Variants in PDE4B observed in about 807,000 individuals in gnomAD.
The protein encoded by PDE4B is phosphodiesterase 4B.
A neutral mutation model predicts 82.2 loss-of-function variants in PDE4B; 20 were observed. The observed-to-expected ratio is 0.24, with a 90% CI of 0.17 to 0.35. The LOEUF is 0.35. Ranked by LOEUF, PDE4B falls within the 10% of genes least tolerant of loss-of-function variation. The pLI is 1.00. For synonymous variants in PDE4B, 320 were observed against 318.9 expected, an observed-to-expected ratio of 1.00 and a Z score of -0.04; for missense variants, 655 against 907.2, an observed-to-expected ratio of 0.72 and a Z score of 3.57.
intron 3 of PDE4B, among the ~76,000 whole-genome samples, chr1:66,191,823 A>C (rs939638597): frequency 6.6e-6 from 1 of 152,190 alleles, no homozygotes; most frequent in Non-Finnish European, 1.5e-5. Flanking sequence ...CGTTTCACAT[A>C]GCAGCAGACC....
At chr1:65,856,185 G>A (rs1646390464) in intron 1 of PDE4B, among the ~76,000 whole-genome samples, 1 of 152,142 alleles carries the variant, frequency 6.6e-6, no homozygotes. Flanking sequence ...TGTGCAAGGA[G>A]ATAGAGTTTT....
At chr1:66,004,939 G>A (rs182093179) in intron 3 of PDE4B, among the ~76,000 whole-genome samples, 2 of 151,870 alleles carry the variant, frequency 1.3e-5, no homozygotes, top group Non-Finnish European at 2.9e-5. Context: ...CAATATCACT[G>A]ATTTCTCTAC....
At position 66,368,871 on chromosome 1, in the gene PDE4B, A is replaced by G; in HGVS notation, c.1747A>G (p.Met583Val). ...GTATCGGCAATGGACAGACCGCATC[A>G]TGGAGGAATTTTTCCAGCAGGGAGA... Reference protein sequence around the residue: ...ELYRQWTDRIMEEFFQQGDKE... With the variant: ...ELYRQWTDRIVEEFFQQGDKE... The change falls in exon 16 of 17, where the codon ATG becomes GTG. Residue 583 changes from methionine to valine, a missense_variant. By Grantham distance (21) the Met-to-Val change is conservative. Around this residue, in one of 3 missense-constraint regions of PDE4B, gnomAD observed 283 missense variants for 516.4 expected, o/e 0.55. Transcript: ENST00000341517. 1 of 1,613,676 alleles carries G rather than the reference A, an allele frequency of 6.2e-7. No individual in the cohort carries two copies. Among genetic ancestry groups the G allele is most frequent in the Non-Finnish European group, 8.5e-7 (1 of 1,179,708 alleles).
intron 7 of PDE4B, among the ~76,000 whole-genome samples, chr1:66,311,704 G>T (rs901370683): frequency 1.3e-5 from 2 of 152,244 alleles, no homozygotes; most frequent in Non-Finnish European, 2.9e-5. Flanking sequence ...TCTTTGGAAT[G>T]CTGTGTCCTT....
At chr1:65,905,427 A>G (rs1026750360) in intron 1 of PDE4B, among the ~76,000 whole-genome samples, 3 of 152,124 alleles carry the variant, frequency 2.0e-5, no homozygotes, top group African/African-American at 7.2e-5. Context: ...GTGATGTGGC[A>G]TAAGCATAAG....
intron 3 of PDE4B, among the ~76,000 whole-genome samples, chr1:65,970,906 A>G (rs887519365): frequency 1.4e-4 from 22 of 151,776 alleles, no homozygotes; most frequent in African/African-American, 4.6e-4. Context: ...GGCCAAAGGA[A>G]AACCCGGGTC....
At chr1:66,135,119 A>G (rs960881562) in intron 3 of PDE4B, among the ~76,000 whole-genome samples, 4 of 152,210 alleles carry the variant, frequency 2.6e-5, no homozygotes, top group African/African-American at 9.7e-5. Context: ...AGCAGCAAGC[A>G]CCCATGTGTT....
At chr1:66,077,720 C>T (rs1041760032) in intron 3 of PDE4B, among the ~76,000 whole-genome samples, 1 of 152,118 alleles carries the variant, frequency 6.6e-6, no homozygotes, top group Non-Finnish European at 1.5e-5. Flanking sequence ...TTATTAAAGG[C>T]CACATTGTGA....
intron 3 of PDE4B, among the ~76,000 whole-genome samples, chr1:65,957,582 G>C (rs764614118): frequency 6.6e-6 from 1 of 151,986 alleles, no homozygotes; most frequent in Admixed American, 6.6e-5. Flanking sequence ...ATGAAAACCT[G>C]TTATAACTTT....
chr1:66,314,570 G>A lies in PDE4B; in HGVS notation c.635-17938G>A, dbSNP rs141673078. ...CGGGATTACAGGAACCCACCACTAT[G>A]CCTGGCTAATTTTTGTATTTTTAGT... On this transcript the variant is annotated intron_variant, in intron 7 of 16. Coordinates refer to ENST00000341517, the MANE Select transcript of PDE4B (RefSeq NM_002600.4). 3.1e-3 allele frequency among the ~76,000 whole-genome samples: 473 copies of A among 152,046 alleles called. 4 individuals are homozygous for A. The highest frequency in any genetic ancestry group is 0.021 in the Admixed American group (328 of 15,290).
At chr1:66,059,531 C>T (rs902531596) in intron 3 of PDE4B, among the ~76,000 whole-genome samples, 3 of 152,178 alleles carry the variant, frequency 2.0e-5, no homozygotes, top group African/African-American at 7.2e-5. Context: ...GGGGAGGCCT[C>T]ACAATCATGG....
chr1:66,021,446 TTAGGTC>T (rs1208756000), intron 3 of PDE4B, among the ~76,000 whole-genome samples: 2 of 152,210 alleles, frequency 1.3e-5, no homozygotes, highest in African/African-American at 4.8e-5. Flanking sequence ...TTTTATGGCT[TTAGGTC>T]TAACATTCAA....
In PDE4B at chr1:66,189,836, T is replaced by A. The variant is rs1647589897; in HGVS notation, c.282-57624T>A. The stretch of plus-strand genomic sequence containing the variant: ...TCTGACGCCTTCTTCTCTCAACTCA[T>A]CAAAGTCATTCTCCATCCAGCTTTG... On this transcript the variant is annotated intron_variant, in intron 3 of 16. Transcript: ENST00000341517. 4.6e-5 allele frequency among the ~76,000 whole-genome samples: 7 copies of A among 152,354 alleles called. No individual in the cohort carries two copies. The South Asian group carries it at 1.4e-3, about 32-fold the overall frequency.
chr1:66,130,490 A>G (rs1051997057), intron 3 of PDE4B, among the ~76,000 whole-genome samples: 1 of 152,140 alleles, frequency 6.6e-6, no homozygotes, highest in Admixed American at 6.5e-5. Context: ...ATGCTGAGGG[A>G]CACCTCACAG....
chr1:66,224,267 T>G (rs1165367926), intron 3 of PDE4B, among the ~76,000 whole-genome samples: 1 of 152,176 alleles, frequency 6.6e-6, no homozygotes, highest in African/African-American at 2.4e-5. Flanking sequence ...TCCACTTCTT[T>G]CTTTGCCAAG....
chr1:66,009,233 T>G (rs1236844663), intron 3 of PDE4B, among the ~76,000 whole-genome samples: 1 of 152,212 alleles, frequency 6.6e-6, no homozygotes, highest in Non-Finnish European at 1.5e-5. Flanking sequence ...CCATTTCAAA[T>G]GCATCAGCAA....
chr1:65,813,908 A>C (rs1645849269), intron 1 of PDE4B, among the ~76,000 whole-genome samples: 1 of 151,938 alleles, frequency 6.6e-6, no homozygotes, highest in African/African-American at 2.4e-5. Context: ...AAAAAAAAAA[A>C]AAAAACAACA....
chr1:66,359,475 T>G (rs1051920801), intron 9 of PDE4B, among the ~76,000 whole-genome samples: 1 of 152,242 alleles, frequency 6.6e-6, no homozygotes, highest in African/African-American at 2.4e-5. Flanking sequence ...TAGGGAAACC[T>G]ATTAGTTGTT....
chr1:66,045,819 T>C (rs938889525), intron 3 of PDE4B, among the ~76,000 whole-genome samples: 4 of 151,772 alleles, frequency 2.6e-5, no homozygotes, highest in Non-Finnish European at 5.9e-5. Context: ...TGATAGGCAG[T>C]GGGCTGAGAG....
Sources: allele counts gnomAD v4.1 joint callset (sites outside exome capture counted in the v4.1 genomes callset), GRCh38; gene constraint gnomAD v4.1.1; regional missense constraint gnomAD v4.1.1; transcripts MANE v1.5; gene names NCBI Gene and HGNC (gene_info 2026-07-23, HGNC 2026-07-21).